The following GSG1 variants were observed in gnomAD, a reference collection of about 807,000 sequenced individuals.
The protein encoded by GSG1 is germ cell associated 1.
GSG1 carries 28 observed loss-of-function variants against 30.8 expected under a neutral mutation model. The observed-to-expected ratio is 0.91, with a 90% CI of 0.67 to 1.25. The LOEUF is 1.25. GSG1 is among the 50% of genes most tolerant of loss of function. The probability of loss-of-function intolerance (pLI) is 0.00; values close to 1 mark genes in which losing one functional copy is unlikely to be tolerated. For missense variants in GSG1, 435 were observed against 444.7 expected (o/e 0.98, Z 0.20); for synonymous variants, 162 against 178.0 (o/e 0.91, Z 0.71).
chr12:13,090,801 G>C lies in GSG1; in HGVS notation c.66C>G (p.Ala22=). Residue 22 remains alanine, a synonymous_variant, in exon 2 of 7, where the codon GCC becomes GCG. Coordinates refer to ENST00000651961, the MANE Select transcript of GSG1 (RefSeq NM_001080555.4). ...CLTQEMELSK[A]FSGQRTLLSA... ...ATAGGAGTGTCCGCTGGCCAGAGAA[G>C]GCCTTCGAGAGCTCCATCTGTAATA... is the stretch of plus-strand genomic sequence containing the variant. 1 of 1,611,830 alleles carries C rather than the reference G, an allele frequency of 6.2e-7. No homozygotes were observed. The highest frequency in any genetic ancestry group is 8.5e-7 in the Non-Finnish European group (1 of 1,178,490).
At chr12:13,089,863 C>T (rs1005635030) in intron 2 of GSG1, among the ~76,000 whole-genome samples, 4 of 152,116 alleles carry the variant, frequency 2.6e-5, no homozygotes, top group African/African-American at 9.7e-5. Flanking sequence ...CCAGCCTGAC[C>T]AACATGGAGA....
chr12:13,088,113 A>C (rs1352622229), intron 4 of GSG1, 54 bp from the exon 5 acceptor site: 17 of 1,602,436 alleles, frequency 1.1e-5, no homozygotes, highest in Admixed American at 1.7e-5. Context: ...AAAAAACTGA[A>C]TAAGCGGTGA....
intron 1 of GSG1, among the ~76,000 whole-genome samples, chr12:13,102,415 T>A (rs1476012308): frequency 6.6e-6 from 1 of 152,232 alleles, no homozygotes; most frequent in African/African-American, 2.4e-5. Flanking sequence ...AAACCACTGA[T>A]AAAGAACAAT....
intron 1 of GSG1, among the ~76,000 whole-genome samples, chr12:13,098,456 ATTTTTTTTTTTTTTTTTTTTTT>A (rs771887535): frequency 4.2e-5 from 2 of 47,384 alleles, no homozygotes; most frequent in Non-Finnish European, 7.7e-5. Flanking sequence ...CATGTAGCCC[ATTTTTTTTTTTTTTTTTTTTTT>A]TTTTTTTTTT....
Position 13,103,637 on chromosome 12 carries a change from G to T in GSG1, c.-125C>A. ...CCCCTCTTGCCAGCAGAGGGGTAAG[G>T]TGGTGTGTGGTGGATTGGAGAGGAT... On this transcript the variant is annotated 5_prime_UTR_variant, in exon 1 of 7. Transcript: ENST00000651961. 2.0e-6 allele frequency: 2 copies of T among 991,700 alleles called. No homozygotes were observed. Among genetic ancestry groups the T allele is most frequent in the Non-Finnish European group, 3.1e-6 (2 of 635,512 alleles). The allele number at this position is 991,700 out of a possible 1,614,324, so 61.4% of individuals were successfully genotyped here.
Position 13,093,847 on chromosome 12 carries a change from A to G in GSG1, c.49-3029T>C, listed in dbSNP as rs1866400901. On this transcript the variant is annotated intron_variant, in intron 1 of 6. Coordinates refer to ENST00000651961, the MANE Select transcript of GSG1 (RefSeq NM_001080555.4). The surrounding 1 kb of genome is among the most constrained non-coding windows in gnomAD (Gnocchi z 4.6). ...GTCATTTTCAGCCTAAGAGAAGAGG[A>G]GGCAAGCTAAAATATGACTGGTATT... Among the ~76,000 whole-genome samples, 1 of 152,232 alleles carries G rather than the reference A, an allele frequency of 6.6e-6. No individual in the cohort carries two copies. The highest frequency in any genetic ancestry group is 1.5e-5 in the Non-Finnish European group (1 of 68,040).
In GSG1 at chr12:13,088,862, C is replaced by T; in HGVS notation, c.481G>A (p.Glu161Lys). ...FIELTPPAKR[E>K]ILWLSLGTQI... Reference sequence around the variant, plus strand: ...GCAAATTCCAGTAGTCCTTTCTCACCTCTCTTGGCTGGTGGTGTAAGTTCA... The same window carrying T: ...GCAAATTCCAGTAGTCCTTTCTCACTTCTCTTGGCTGGTGGTGTAAGTTCA... Residue 161 changes from glutamate to lysine, a missense_variant and splice_region_variant, in exon 4 of 7, where the codon GAA (glutamate) becomes AAA (lysine). Glu to Lys is a moderately conservative substitution (Grantham distance 56, BLOSUM62 1). Transcript: ENST00000651961. 1 of 1,614,200 alleles carries T rather than the reference C, an allele frequency of 6.2e-7. No homozygotes were observed. The highest frequency in any genetic ancestry group is 8.5e-7 in the Non-Finnish European group (1 of 1,180,042).
intron 2 of GSG1, 169 bp from the exon 3 acceptor site, chr12:13,089,445 T>G (rs1865873893): frequency 9.4e-7 from 1 of 1,058,548 alleles, no homozygotes; most frequent in African/African-American, 1.6e-5. Flanking sequence ...CCGGTCACCT[T>G]TCAGTGCTCT....
chr12:13,101,560 G>A lies in GSG1; in HGVS notation c.48+1905C>T, dbSNP rs980081908. ...GGAGGGCGGGGCCACATGTGTCCCGGAGCTGGGCCGGGGCGCTAGGCCACC... is the reference window on the plus strand; with the variant it reads ...GGAGGGCGGGGCCACATGTGTCCCGAAGCTGGGCCGGGGCGCTAGGCCACC... On this transcript the variant is annotated intron_variant, in intron 1 of 6. Coordinates refer to ENST00000651961, the MANE Select transcript of GSG1 (RefSeq NM_001080555.4). This position sits in a 1 kb window ranked among gnomAD's most constrained non-coding sequence, Gnocchi z 5.8. 1.3e-5 allele frequency among the ~76,000 whole-genome samples: 2 copies of A among 152,238 alleles called. No individual in the cohort carries two copies. Among genetic ancestry groups the A allele is most frequent in the Non-Finnish European group, 2.9e-5 (2 of 68,032 alleles).
rs1287581964 is a variant in GSG1 at position 13,103,653 on chromosome 12, TG to T, written c.-142del. 1 of 877,820 alleles carries T rather than the reference TG, an allele frequency of 1.1e-6. No individual in the cohort carries two copies. Among genetic ancestry groups the T allele is most frequent in the Admixed American group, 2.0e-5 (1 of 50,272 alleles). The allele number at this position is 877,820 out of a possible 1,614,324, so 54.4% of individuals were successfully genotyped here. ...AGGGGTAAGGTGGTGTGTGGTGGAT[TG>T]GAGAGGATGTCCTGAGGGCCAGACA... On this transcript the variant is annotated 5_prime_UTR_variant, in exon 1 of 7. Transcript: ENST00000651961.
rs1281152568 is a variant in GSG1, at chr12:13,088,896, T to C, written c.447A>G (p.Arg149=). ...GTAAAKGERC[R]SFIELTPPAK... is the part of the protein sequence containing the mutation. ...CTGGTGGTGTAAGTTCAATGAAACT[T>C]CGGCACCTCTCCCCTGAAACATACA... is the stretch of plus-strand genomic sequence containing the variant. Residue 149 remains arginine, a synonymous_variant, in exon 4 of 7, where the codon CGA becomes CGG. Transcript: ENST00000651961. 11 of 1,614,098 alleles carry C rather than the reference T, an allele frequency of 6.8e-6. No homozygotes were observed. Among genetic ancestry groups the C allele is most frequent in the Non-Finnish European group, 9.3e-6 (11 of 1,180,012 alleles).
chr12:13,095,705 A>G (rs1299601958), intron 1 of GSG1: 1 of 1,592,716 alleles, frequency 6.3e-7, no homozygotes, highest in Non-Finnish European at 8.5e-7. Context: ...CTGTCTTCCT[A>G]CCCTCCTCCC....
chr12:13,089,349 C>T (rs1306954344), intron 2 of GSG1, 73 bp from the exon 3 acceptor site: 3 of 1,545,986 alleles, frequency 1.9e-6, no homozygotes, highest in Non-Finnish European at 2.6e-6. Context: ...TCGCTTTTAG[C>T]TGAAATAGGG....
chr12:13,087,347 T>A, intron 5 of GSG1, 84 bp from the exon 6 acceptor site: 1 of 1,005,440 alleles, frequency 9.9e-7, no homozygotes. Context: ...TCACCCTTCT[T>A]GCAGTCAGGC....
rs557611300 is a variant in GSG1, at chr12:13,088,635, C to G, written c.481+227G>C. The G allele has an allele frequency of 2.8e-6, 3 of 1,060,942 alleles. No individual in the cohort carries two copies. In the East Asian group the frequency reaches 7.3e-5, roughly 26 times the overall value. The allele number at this position is 1,060,942 out of a possible 1,614,324, so 65.7% of individuals were successfully genotyped here. A position where few individuals can be genotyped will look rare whatever the true frequency, so the allele number is the denominator to read the frequency against. ...CAGCTCAAGGAGGAATTTGTGTCAC[C>G]CTTTGGGGCTCAGAAGAGAAAAGTG... On this transcript the variant is annotated intron_variant, in intron 4 of 6. Transcript: ENST00000651961.
intron 5 of GSG1, 78 bp from the exon 6 acceptor site, chr12:13,087,341 C>T (rs1865644559): frequency 1.8e-6 from 2 of 1,092,872 alleles, no homozygotes. Context: ...TTTGGATCAC[C>T]CTTCTTGCAG....
At chr12:13,089,156 G>A (rs1865844266) in intron 3 of GSG1, 52 bp downstream of exon 3, 3 of 1,522,014 alleles carry the variant, frequency 2.0e-6, no homozygotes, top group Non-Finnish European at 1.8e-6. Flanking sequence ...ATAGCTTAGT[G>A]TTCCCATTTC....
chr12:13,088,684 C>A, intron 4 of GSG1, 178 bp downstream of exon 4: 2 of 1,519,412 alleles, frequency 1.3e-6, no homozygotes, highest in Non-Finnish European at 1.8e-6. Flanking sequence ...CAGTTTAGAT[C>A]CGGAGAGGCC....
In GSG1 at chr12:13,085,139, A is replaced by C. The variant is rs1478005555; in HGVS notation, c.851T>G (p.Phe284Cys). The C allele has an allele frequency of 5.6e-6, 9 of 1,614,142 alleles. No homozygotes were observed. The highest frequency in any genetic ancestry group is 5.0e-5 in the Admixed American group (3 of 60,016). Residue 284 changes from phenylalanine (F) to cysteine (C), a missense_variant, in exon 7 of 7, where the codon TTC (phenylalanine) becomes TGC (cysteine). Physicochemically the swap from Phe to Cys is radical, Grantham distance 205. Transcript: ENST00000651961. ...LEFKCKHSKS[F>C]KENPNCLPHH... ...TGGTAGGCAGTTCGGGTTTTCCTTG[A>C]AGCTCTTACTATGCTTGCACTTGAA...
Sources: allele counts gnomAD v4.1 joint callset (sites outside exome capture counted in the v4.1 genomes callset), GRCh38; gene constraint gnomAD v4.1.1; non-coding constraint Gnocchi (gnomAD v3.1); transcripts MANE v1.5; gene names NCBI Gene and HGNC (gene_info 2026-07-23, HGNC 2026-07-21).